Variants in MIEF1 observed in about 807,000 individuals in gnomAD.
The protein encoded by MIEF1 is mitochondrial dynamics protein MIEF1.
A neutral mutation model predicts 35.1 loss-of-function variants in MIEF1; 14 were observed. The observed-to-expected ratio is 0.40, with a 90% CI of 0.26 to 0.62. The LOEUF (loss-of-function observed/expected upper bound fraction) is 0.62, where lower values mean the gene tolerates loss of function less well. Among genes scored for constraint, MIEF1 ranks in the 20% least tolerant of loss-of-function variants. The pLI is 0.43. For synonymous variants in MIEF1, 245 were observed against 254.3 expected (o/e 0.96, Z 0.35); for missense variants, 542 against 615.4 (o/e 0.88, Z 1.26).
chr22:39,506,467 C>T (rs1442701002), intron 2 of MIEF1, among the ~76,000 whole-genome samples: 2 of 152,144 alleles, frequency 1.3e-5, no homozygotes, highest in Non-Finnish European at 2.9e-5. Context: ...GTTTCTTCAT[C>T]CTTTAAATTT....
At chr22:39,510,012 G>A (rs1275866690) in intron 2 of MIEF1, among the ~76,000 whole-genome samples, 1 of 152,182 alleles carries the variant, frequency 6.6e-6, no homozygotes, top group Non-Finnish European at 1.5e-5. Context: ...AGGCTAGAGT[G>A]CAATCGTGTG....
Position 39,514,319 on chromosome 22 carries a change from C to T in MIEF1, c.1388C>T (p.Thr463Met), listed in dbSNP as rs149438399. The change falls in exon 6 of 6, where the codon ACG (threonine) becomes ATG (methionine). Residue 463 changes from threonine to methionine, a missense_variant. By Grantham distance (81) the Thr-to-Met change is moderately conservative. Coordinates refer to ENST00000325301, the MANE Select transcript of MIEF1 (RefSeq NM_019008.6). ...TCTGAGCCAGAGGTGCTGCTGCAGACGTAGGGCAGGTGAAGGCCAAAGCGG... is the reference window on the plus strand; with the variant it reads ...TCTGAGCCAGAGGTGCTGCTGCAGATGTAGGGCAGGTGAAGGCCAAAGCGG... ...SLSEPEVLLQT is the reference protein window; with the variant it reads ...SLSEPEVLLQM 5.6e-6 allele frequency: 9 copies of T among 1,612,830 alleles called. No individual in the cohort carries two copies. The highest frequency in any genetic ancestry group is 4.5e-5 in the East Asian group (2 of 44,862).
Position 39,511,889 on chromosome 22 carries a change from G to T in MIEF1, c.185G>T (p.Arg62Leu), listed in dbSNP as rs556813831. 4 of 1,614,032 alleles carry T rather than the reference G, an allele frequency of 2.5e-6. No individual in the cohort carries two copies. Among genetic ancestry groups the T allele is most frequent in the Non-Finnish European group, 3.4e-6 (4 of 1,180,022 alleles). ...ATCAGTGCCCCTACCAGCCCCACCC[G>T]CCTGAGCCATTCGGGGAAAAGGAGC... ...RAISAPTSPT[R>L]LSHSGKRSWE... The change falls in exon 4 of 6, where the codon CGC becomes CTC. Residue 62 changes from arginine (R) to leucine (L), a missense_variant. Arg to Leu is a moderately radical substitution (Grantham distance 102). Coordinates refer to ENST00000325301, the MANE Select transcript of MIEF1 (RefSeq NM_019008.6).
In MIEF1 at chr22:39,516,090, CAA is replaced by C. The variant is rs1289026265; in HGVS notation, c.*1772_*1773del. The C allele has an allele frequency of 2.7e-5, 4 of 147,704 alleles. No individual in the cohort carries two copies. The highest frequency in any genetic ancestry group is 1.0e-4 in the African/African-American group (4 of 39,850). The allele number at this position is 147,704 out of a possible 1,614,324, so 9.1% of individuals were successfully genotyped here. A position where few individuals can be genotyped will look rare whatever the true frequency, so the allele number is the denominator to read the frequency against. ...TTTGCATAAAGGTATTGAGAGGGAA[CAA>C]AAAACATAAAGCTGAGAATCTTGAG... is the stretch of plus-strand genomic sequence containing the variant. On this transcript the variant is annotated 3_prime_UTR_variant, in exon 6 of 6. Coordinates refer to ENST00000325301, the MANE Select transcript of MIEF1 (RefSeq NM_019008.6).
At chr22:39,502,154 C>A (rs1233726807), upstream of MIEF1, 6 of 151,916 alleles carry the variant, frequency 3.9e-5, no homozygotes. Flanking sequence ...GGGGGCGGGG[C>A]GCGAGTGGCC....
intron 2 of MIEF1, among the ~76,000 whole-genome samples, chr22:39,508,095 A>C (rs1216689032): frequency 2.0e-5 from 3 of 152,168 alleles, no homozygotes; most frequent in Non-Finnish European, 4.4e-5. Context: ...ACTGCAATAC[A>C]GTTTATACCG....
chr22:39,504,302 C>T lies in MIEF1; in HGVS notation c.-240C>T. 1 of 399,104 alleles carries T rather than the reference C, an allele frequency of 2.5e-6. No individual in the cohort carries two copies. The allele number at this position is 399,104 out of a possible 1,614,324, so 24.7% of individuals were successfully genotyped here. On this transcript the variant is annotated 5_prime_UTR_variant, in exon 2 of 6. Transcript: ENST00000325301. ...TGTTGCGCCAGGGCCGACAGCTTCG[C>T]TACACTGATCGAGACTTCTACTTTG...
Position 39,513,621 on chromosome 22 carries a change from C to T in MIEF1, c.690C>T (p.Phe230=). 6.2e-7 allele frequency: 1 copy of T among 1,614,220 alleles called. No homozygotes were observed. Among genetic ancestry groups the T allele is most frequent in the Non-Finnish European group, 8.5e-7 (1 of 1,180,038 alleles). Reference sequence around the variant, plus strand: ...ACACCATCATGAATGTCCCTGGCTTCTTCCTGGTGCGTCGTGAGAATCCAG... The same window carrying T: ...ACACCATCATGAATGTCCCTGGCTTTTTCCTGGTGCGTCGTGAGAATCCAG... ...GEDTIMNVPG[F]FLVRRENPEY... is the part of the protein sequence containing the mutation. Residue 230 remains phenylalanine, a synonymous_variant, in exon 6 of 6, where the codon TTC becomes TTT. Transcript: ENST00000325301.
Position 39,504,193 on chromosome 22 carries a change from C to T in MIEF1, c.-339-10C>T. 2.5e-6 allele frequency: 1 copy of T among 399,056 alleles called. No individual in the cohort carries two copies. The highest frequency in any genetic ancestry group is 4.4e-6 in the Non-Finnish European group (1 of 226,100). 24.7% of individuals were successfully genotyped at this position (399,056 alleles called of 1,614,324 possible). ...ATACTAGGCTTGTATGTCTTTCCTT[C>T]TGTTTATAGTGTGACACCCAGCCCC... On this transcript the variant is annotated splice_polypyrimidine_tract_variant and intron_variant, in intron 1 of 5. Coordinates refer to ENST00000325301, the MANE Select transcript of MIEF1 (RefSeq NM_019008.6).
rs747494414 is a variant in MIEF1, at chr22:39,514,250, C to T, written c.1319C>T (p.Pro440Leu). 4 of 1,614,068 alleles carry T rather than the reference C, an allele frequency of 2.5e-6. No homozygotes were observed. The South Asian group carries it at 3.3e-5, about 13-fold the overall frequency. ...GTGAACTTATTTGCAGAGCTCACCC[C>T]TGAAGAAATAGACGAATTAGGATAC... ...PKVNLFAELT[P>L]EEIDELGYTL... The change falls in exon 6 of 6, where the codon CCT becomes CTT. Residue 440 changes from proline to leucine, a missense_variant. By Grantham distance (98) the Pro-to-Leu change is moderately conservative. Transcript: ENST00000325301.
In MIEF1 at chr22:39,515,783, T is replaced by A. The variant is rs1323222912; in HGVS notation, c.*1460T>A. The stretch of plus-strand genomic sequence containing the variant: ...TGTTTCTCATCTGCCCATTCAGTAT[T>A]TTGTTTTCCTTCCGTCAAGTTGTCT... On this transcript the variant is annotated 3_prime_UTR_variant, in exon 6 of 6. Coordinates refer to ENST00000325301, the MANE Select transcript of MIEF1 (RefSeq NM_019008.6). The A allele has an allele frequency of 6.0e-6, 1 of 167,836 alleles. No individual in the cohort carries two copies. The highest frequency in any genetic ancestry group is 1.7e-4 in the East Asian group (1 of 5,792). 10.4% of individuals were successfully genotyped at this position (167,836 alleles called of 1,614,324 possible). A position where few individuals can be genotyped will look rare whatever the true frequency, so the allele number is the denominator to read the frequency against.
In MIEF1 at chr22:39,514,636, C is replaced by A; in HGVS notation, c.*313C>A. On this transcript the variant is annotated 3_prime_UTR_variant, in exon 6 of 6. Transcript: ENST00000325301. ...CCACTTGGTGTTTTGCGTTTTGGCCCATGTTTGCTGCCTCTATCTGGTCTG... is the reference window on the plus strand; with the variant it reads ...CCACTTGGTGTTTTGCGTTTTGGCCAATGTTTGCTGCCTCTATCTGGTCTG... 2.5e-6 allele frequency: 1 copy of A among 398,598 alleles called. No individual in the cohort carries two copies. The highest frequency in any genetic ancestry group is 4.6e-6 in the Non-Finnish European group (1 of 218,380). The allele number at this position is 398,598 out of a possible 1,614,324, so 24.7% of individuals were successfully genotyped here.
Position 39,510,501 on chromosome 22 carries a change from C to T in MIEF1, c.-7-787C>T, listed in dbSNP as rs576505896. 5.7e-4 allele frequency among the ~76,000 whole-genome samples: 87 copies of T among 152,192 alleles called. 1 individual carries two copies. The highest frequency in any genetic ancestry group is 3.4e-3 in the Middle Eastern group (1 of 294). Reference sequence around the variant, plus strand: ...GCTCAGGTTGGTCTTGAACTTCTGGCCACAAGCGATCTTCCCACCTCAGCC... The same window carrying T: ...GCTCAGGTTGGTCTTGAACTTCTGGTCACAAGCGATCTTCCCACCTCAGCC... On this transcript the variant is annotated intron_variant, in intron 2 of 5. Transcript: ENST00000325301.
rs1930704531 is a variant in MIEF1 at position 39,517,014 on chromosome 22, T to C, written c.*2691T>C. On this transcript the variant is annotated 3_prime_UTR_variant, in exon 6 of 6. Coordinates refer to ENST00000325301, the MANE Select transcript of MIEF1 (RefSeq NM_019008.6). ...ATCATAAAGTGTGGAACATAGGCAA[T>C]TGCTTTGAGATTCTTGGATAGAAGA... 6.6e-6 allele frequency: 1 copy of C among 152,634 alleles called. No homozygotes were observed. Among genetic ancestry groups the C allele is most frequent in the Admixed American group, 6.5e-5 (1 of 15,312 alleles). The allele number at this position is 152,634 out of a possible 1,614,324, so 9.5% of individuals were successfully genotyped here.
intron 2 of MIEF1, among the ~76,000 whole-genome samples, chr22:39,508,706 G>A (rs1003356535): frequency 1.3e-5 from 2 of 152,090 alleles, no homozygotes; most frequent in African/African-American, 2.4e-5. Flanking sequence ...GAATGTACTC[G>A]GTTTGGCGAA....
rs1930625618 is a variant in MIEF1 at position 39,515,631 on chromosome 22, G to A, written c.*1308G>A. 2.1e-6 allele frequency: 1 copy of A among 475,850 alleles called. No homozygotes were observed. The highest frequency in any genetic ancestry group is 1.9e-5 in the African/African-American group (1 of 51,288). The allele number at this position is 475,850 out of a possible 1,614,324, so 29.5% of individuals were successfully genotyped here. A position where few individuals can be genotyped will look rare whatever the true frequency, so the allele number is the denominator to read the frequency against. On this transcript the variant is annotated 3_prime_UTR_variant, in exon 6 of 6. Transcript: ENST00000325301. ...ACATTCCTCCTTGTTTGCCGCTGCT[G>A]AGATTGCAGTATTTATTGCAATGTA...
chr22:39,512,249 CG>C lies in MIEF1; in HGVS notation c.342del (p.Lys116SerfsTer9). 1 of 1,613,296 alleles carries C rather than the reference CG, an allele frequency of 6.2e-7. No individual in the cohort carries two copies. The highest frequency in any genetic ancestry group is 8.5e-7 in the Non-Finnish European group (1 of 1,179,994). ...TFDTDTFCPP[R>X]PKPVARKGQV... Reference sequence around the variant, plus strand: ...CTTGGCAGATACATTCTGCCCGCCCCGGCCCAAGCCAGTGGCCAGGAAGGGC... The same window carrying C: ...CTTGGCAGATACATTCTGCCCGCCCCGCCCAAGCCAGTGGCCAGGAAGGGC... On this transcript the variant is annotated frameshift_variant, in exon 5 of 6. Transcript: ENST00000325301. LOFTEE classifies it high-confidence loss of function.
chr22:39,512,652 CTT>C (rs964515053), intron 5 of MIEF1, among the ~76,000 whole-genome samples, 158 bp downstream of exon 5: 1 of 146,800 alleles, frequency 6.8e-6, no homozygotes. Context: ...GCTTGTTATT[CTT>C]TTTTTTTTTT....
chr22:39,502,825 G>C (rs1182464097), intron 1 of MIEF1, among the ~76,000 whole-genome samples: 2 of 152,240 alleles, frequency 1.3e-5, no homozygotes, highest in African/African-American at 4.8e-5. Context: ...TTTCTGCATC[G>C]GGAGGTCCTT....
Sources: gnomAD v4.1 joint callset for allele counts (sites outside exome capture counted in the v4.1 genomes callset) on GRCh38, gnomAD v4.1.1 for gene constraint, MANE v1.5 for transcripts, NCBI Gene and HGNC (gene_info 2026-07-23, HGNC 2026-07-21) for gene names.